Variants in NOS1AP observed in about 807,000 individuals in gnomAD.
NOS1AP encodes the protein nitric oxide synthase 1 adaptor protein.
Under a neutral mutation model 56.2 loss-of-function variants are expected in NOS1AP, and 21 were observed. The ratio of observed to expected loss-of-function variants is 0.37; its 90% CI spans 0.26 to 0.54. The LOEUF (loss-of-function observed/expected upper bound fraction) is 0.54, where lower values mean the gene tolerates loss of function less well. Ranked by LOEUF, NOS1AP falls within the 20% of genes least tolerant of loss-of-function variation. The pLI, the probability that NOS1AP is intolerant of heterozygous loss-of-function variation, is 0.84. For missense variants in NOS1AP, 522 were observed against 657.8 expected (o/e 0.79, Z 2.26); for synonymous variants, 270 against 274.6 (o/e 0.98, Z 0.17).
At position 162,163,136 on chromosome 1, in the gene NOS1AP, TC is replaced by T. The variant is rs372233211; in HGVS notation, c.177+8661del. ...CCATATTGGGACATGTATCAGTACTTCATTTCTTTTTGTTGCTGAGTAACAT... is the reference window on the plus strand; with the variant it reads ...CCATATTGGGACATGTATCAGTACTTATTTCTTTTTGTTGCTGAGTAACAT... On this transcript the variant is annotated intron_variant, in intron 2 of 9. Transcript: ENST00000361897. 4.1e-4 allele frequency among the ~76,000 whole-genome samples: 62 copies of T among 152,352 alleles called. No individual in the cohort carries two copies. The South Asian group carries it at 0.012, about 31-fold the overall frequency.
intron 4 of NOS1AP, among the ~76,000 whole-genome samples, chr1:162,326,873 A>T (rs1319371242): frequency 6.6e-6 from 1 of 152,224 alleles, no homozygotes; most frequent in Non-Finnish European, 1.5e-5. Context: ...CCAGAGACTG[A>T]AAGAGGGAAT....
chr1:162,259,285 A>G (rs1654131015), intron 2 of NOS1AP, among the ~76,000 whole-genome samples: 1 of 152,208 alleles, frequency 6.6e-6, no homozygotes, highest in African/African-American at 2.4e-5. Flanking sequence ...GTTGTAAATC[A>G]GACTATTCAT....
intron 1 of NOS1AP, among the ~76,000 whole-genome samples, chr1:162,132,794 C>T (rs1352004854): frequency 1.3e-5 from 2 of 152,184 alleles, no homozygotes; most frequent in Non-Finnish European, 2.9e-5. Context: ...TCCCAGGTTC[C>T]ACACTCCTTC....
intron 6 of NOS1AP, among the ~76,000 whole-genome samples, chr1:162,346,485 T>C (rs1264173089): frequency 6.6e-6 from 1 of 152,208 alleles, no homozygotes; most frequent in African/African-American, 2.4e-5. Flanking sequence ...CTACCAATTG[T>C]ATTAAAAATG....
chr1:162,187,247 A>G (rs961364855), intron 2 of NOS1AP, among the ~76,000 whole-genome samples: 1 of 152,196 alleles, frequency 6.6e-6, no homozygotes, highest in Non-Finnish European at 1.5e-5. Context: ...GATTACAGGC[A>G]TGAGCCACCA....
chr1:162,249,078 A>G (rs931195471), intron 2 of NOS1AP, among the ~76,000 whole-genome samples: 3 of 152,078 alleles, frequency 2.0e-5, no homozygotes, highest in African/African-American at 7.2e-5. Flanking sequence ...CCTTGAATGG[A>G]TCAGCGTGGG....
intron 2 of NOS1AP, among the ~76,000 whole-genome samples, chr1:162,275,652 T>C (rs1571182479): frequency 6.6e-6 from 1 of 152,228 alleles, no homozygotes; most frequent in East Asian, 1.9e-4. Flanking sequence ...TTGTTTTTCC[T>C]ATGGGAAAAT....
At chr1:162,258,616 A>G (rs1243228355) in intron 2 of NOS1AP, among the ~76,000 whole-genome samples, 2 of 152,128 alleles carry the variant, frequency 1.3e-5, no homozygotes, top group African/African-American at 2.4e-5. Context: ...AACCCTTAAC[A>G]TATACAGTGG....
intron 4 of NOS1AP, among the ~76,000 whole-genome samples, chr1:162,330,609 G>C (rs528204589): frequency 6.6e-6 from 1 of 152,336 alleles, no homozygotes; most frequent in South Asian, 2.1e-4. Context: ...CCATGCTAAG[G>C]AGTTTGGACT....
chr1:162,229,855 C>T (rs1653066808), intron 2 of NOS1AP, among the ~76,000 whole-genome samples: 1 of 152,114 alleles, frequency 6.6e-6, no homozygotes, highest in Non-Finnish European at 1.5e-5. Flanking sequence ...GTGGGAAATG[C>T]AAGACGTGTC....
intron 2 of NOS1AP, among the ~76,000 whole-genome samples, chr1:162,253,444 A>G (rs575002969): frequency 1.3e-5 from 2 of 152,370 alleles, no homozygotes; most frequent in East Asian, 3.9e-4. Flanking sequence ...GGTTACAGAT[A>G]TAGAAGAAAA....
At chr1:162,216,207 T>C (rs1276170000) in intron 2 of NOS1AP, among the ~76,000 whole-genome samples, 1 of 152,242 alleles carries the variant, frequency 6.6e-6, no homozygotes, top group Non-Finnish European at 1.5e-5. Flanking sequence ...GAGCCACCTG[T>C]GTCCCATTCC....
At chr1:162,281,157 AG>A (rs1383568088) in intron 2 of NOS1AP, among the ~76,000 whole-genome samples, 1 of 152,246 alleles carries the variant, frequency 6.6e-6, no homozygotes, top group African/African-American at 2.4e-5. Flanking sequence ...GGCTGTATCA[AG>A]CATAGATAAA....
chr1:162,172,601 G>T (rs1650847882), intron 2 of NOS1AP, among the ~76,000 whole-genome samples: 1 of 152,136 alleles, frequency 6.6e-6, no homozygotes, highest in Admixed American at 6.5e-5. Context: ...GTCAGCAGGT[G>T]GTCATTGGAG....
chr1:162,159,640 C>T lies in NOS1AP; in HGVS notation c.177+5164C>T, dbSNP rs539736760. Among the ~76,000 whole-genome samples the T allele has an allele frequency of 2.0e-5, 3 of 152,274 alleles. No homozygotes were observed. The South Asian group carries it at 6.2e-4, about 32-fold the overall frequency. The stretch of plus-strand genomic sequence containing the variant: ...TCCTCTCATGTTCTGTGGCACCACA[C>T]CCCTCTTTTTTGTAGCACTGAGAGC... On this transcript the variant is annotated intron_variant, in intron 2 of 9. Coordinates refer to ENST00000361897, the MANE Select transcript of NOS1AP (RefSeq NM_014697.3).
intron 1 of NOS1AP, among the ~76,000 whole-genome samples, chr1:162,072,752 C>G (rs192905403): frequency 6.6e-6 from 1 of 152,210 alleles, no homozygotes; most frequent in Non-Finnish European, 1.5e-5. Context: ...GCTTTTCTGT[C>G]CTACATGCTC....
intron 2 of NOS1AP, among the ~76,000 whole-genome samples, chr1:162,241,733 G>A (rs774866864): frequency 5.9e-5 from 9 of 152,048 alleles, no homozygotes; most frequent in Non-Finnish European, 1.3e-4. Flanking sequence ...ATGAAAATAG[G>A]TCTCCAAGGA....
chr1:162,081,276 G>GCTA (rs1691880011), intron 1 of NOS1AP, among the ~76,000 whole-genome samples: 1 of 152,100 alleles, frequency 6.6e-6, no homozygotes, highest in South Asian at 2.1e-4. Flanking sequence ...TTCCATTGTG[G>GCTA]CTATGTCCGG....
At chr1:162,195,048 G>T (rs1470692676) in intron 2 of NOS1AP, among the ~76,000 whole-genome samples, 1 of 152,080 alleles carries the variant, frequency 6.6e-6, no homozygotes, top group Non-Finnish European at 1.5e-5. Context: ...ATGTTCTCTG[G>T]ACTCACGGAA....
Sources: allele counts gnomAD v4.1 joint callset (sites outside exome capture counted in the v4.1 genomes callset), GRCh38; gene constraint gnomAD v4.1.1; transcripts MANE v1.5; gene names NCBI Gene and HGNC (gene_info 2026-07-23, HGNC 2026-07-21).